MCMBP: variants seen among roughly 807,000 people sequenced by gnomAD.
MCMBP encodes the protein mini-chromosome maintenance complex-binding protein.
Under a neutral mutation model 81.3 loss-of-function variants are expected in MCMBP, and 31 were observed. That is an observed-to-expected ratio of 0.38 (90% CI 0.29 to 0.51). MCMBP has a LOEUF of 0.51. MCMBP is among the 20% of genes least tolerant of loss of function. MCMBP has a pLI of 0.87. For missense variants in MCMBP, 645 were observed against 772.1 expected (o/e 0.84, Z 1.95); for synonymous variants, 267 against 275.9 (o/e 0.97, Z 0.32).
intron 1 of MCMBP, among the ~76,000 whole-genome samples, chr10:119,872,213 C>A (rs1853704900): frequency 6.6e-6 from 1 of 151,014 alleles, no homozygotes; most frequent in Admixed American, 6.6e-5. Flanking sequence ...GGGGCCCTGG[C>A]CCTGCCACAG....
At chr10:119,847,971 C>T (rs978215390) in intron 7 of MCMBP, among the ~76,000 whole-genome samples, 4 of 151,682 alleles carry the variant, frequency 2.6e-5, no homozygotes, top group Admixed American at 2.6e-4. Context: ...AAAAAAAAGG[C>T]TTTTCCTAAA....
chr10:119,838,216 TTATATAA>T (rs1263711037), intron 12 of MCMBP, among the ~76,000 whole-genome samples: 2 of 148,466 alleles, frequency 1.3e-5, no homozygotes, highest in African/African-American at 4.9e-5. Context: ...TATTGCTCCA[TTATATAA>T]TATATAAAAT....
chr10:119,840,659 G>C lies in MCMBP; in HGVS notation c.1242+184C>G, dbSNP rs75622183. On this transcript the variant is annotated intron_variant, in intron 11 of 15. Transcript: ENST00000369077. ...ACAGAAATTTGTGCTTAGGCAAAAA[G>C]ACAAAAAAAAGTGAAATGTTTAGGG... is the stretch of plus-strand genomic sequence containing the variant. Among the ~76,000 whole-genome samples, 209 of 152,024 alleles carry C rather than the reference G, an allele frequency of 1.4e-3. 1 individual carries two copies. Among genetic ancestry groups the C allele is most frequent in the African/African-American group, 4.7e-3 (195 of 41,494 alleles).
chr10:119,841,390 A>C (rs1852427027), intron 10 of MCMBP, among the ~76,000 whole-genome samples: 1 of 152,254 alleles, frequency 6.6e-6, no homozygotes, highest in Non-Finnish European at 1.5e-5. Context: ...AGAAAAGATA[A>C]GATTTACAGC....
Position 119,872,734 on chromosome 10 carries a change from G to A in MCMBP, c.-150C>T. ...CCTCCCACGCACAGCGAGCCGCGGG[G>A]CGCGGGCCTCCCGCGCCTCAGGGAG... On this transcript the variant is annotated 5_prime_UTR_variant, in exon 1 of 16. Coordinates refer to ENST00000369077, the MANE Select transcript of MCMBP (RefSeq NM_001256378.2). The A allele has an allele frequency of 4.3e-6, 1 of 230,326 alleles. No homozygotes were observed. The highest frequency in any genetic ancestry group is 7.7e-6 in the Non-Finnish European group (1 of 129,428). The allele number at this position is 230,326 out of a possible 1,614,324, so 14.3% of individuals were successfully genotyped here. A position where few individuals can be genotyped will look rare whatever the true frequency, so the allele number is the denominator to read the frequency against.
At chr10:119,870,374 G>A (rs1452113111) in intron 1 of MCMBP, among the ~76,000 whole-genome samples, 1 of 152,070 alleles carries the variant, frequency 6.6e-6, no homozygotes, top group South Asian at 2.1e-4. Context: ...TTCAACCCAG[G>A]AGGCGGAGGT....
At chr10:119,835,126 A>G (rs987870501) in intron 14 of MCMBP, among the ~76,000 whole-genome samples, 4 of 152,244 alleles carry the variant, frequency 2.6e-5, no homozygotes, top group Non-Finnish European at 5.9e-5. Context: ...CAATGTACTG[A>G]GAGGTAATTG....
chr10:119,837,710 G>A (rs1400479406), intron 12 of MCMBP, among the ~76,000 whole-genome samples: 1 of 152,130 alleles, frequency 6.6e-6, no homozygotes, highest in Non-Finnish European at 1.5e-5. Flanking sequence ...TGTGAACCCG[G>A]GAGTTGGAGG....
intron 14 of MCMBP, among the ~76,000 whole-genome samples, chr10:119,832,999 A>G (rs12240303): frequency 0.043 from 6,570 of 152,240 alleles, 480 homozygotes; most frequent in African/African-American, 0.15. Context: ...CATGACCTGG[A>G]GGCTCTGTGC....
intron 5 of MCMBP, among the ~76,000 whole-genome samples, chr10:119,853,586 G>C (rs925852656): frequency 1.3e-5 from 2 of 152,330 alleles, no homozygotes; most frequent in South Asian, 4.1e-4. Context: ...GGAGAAGACA[G>C]AGCACATGGT....
Position 119,872,563 on chromosome 10 carries a change from G to A in MCMBP, c.22C>T (p.Leu8Phe). The change falls in exon 1 of 16, where the codon CTC (leucine) becomes TTC (phenylalanine). Residue 8 changes from leucine (L) to phenylalanine (F), a missense_variant. Physicochemically the swap from Leu to Phe is conservative, Grantham distance 22 (BLOSUM62 0). Coordinates refer to ENST00000369077, the MANE Select transcript of MCMBP (RefSeq NM_001256378.2). The part of the protein sequence containing the change: MPCGEDW[L>F]SHPLGIVQGF... ...TGCACGATTCCCAGCGGGTGGCTGA[G>A]CCAATCCTCCCCACACGGCATCTCG... 1.7e-6 allele frequency: 2 copies of A among 1,186,698 alleles called. No individual in the cohort carries two copies. Among genetic ancestry groups the A allele is most frequent in the Non-Finnish European group, 1.1e-6 (1 of 951,440 alleles). The allele number at this position is 1,186,698 out of a possible 1,614,324, so 73.5% of individuals were successfully genotyped here.
chr10:119,859,216 ATCCTG>A, intron 2 of MCMBP, 35 bp from the exon 3 acceptor site: 1 of 1,601,050 alleles, frequency 6.2e-7, no homozygotes, highest in South Asian at 1.1e-5. Flanking sequence ...TCAACTAAAT[ATCCTG>A]TCTATACAAC....
At chr10:119,856,618 A>G (rs1469852158) in intron 5 of MCMBP, among the ~76,000 whole-genome samples, 2 of 152,186 alleles carry the variant, frequency 1.3e-5, no homozygotes, top group Admixed American at 1.3e-4. Context: ...ATATAGGTGT[A>G]TGTGTTTATC....
In MCMBP at chr10:119,840,902, G is replaced by A. The variant is rs1554901479; in HGVS notation, c.1183C>T (p.Pro395Ser). 6.2e-7 allele frequency: 1 copy of A among 1,610,998 alleles called. No individual in the cohort carries two copies. The highest frequency in any genetic ancestry group is 2.2e-5 in the East Asian group (1 of 44,768). The change falls in exon 11 of 16, where the codon CCA becomes TCA. Residue 395 changes from proline to serine, a missense_variant. By Grantham distance (74) the Pro-to-Ser change is moderately conservative (BLOSUM62 -1). Transcript: ENST00000369077. ...GKFTVNLSGC[P>S]RNSTFTEHLY... ...TGTTCTGTGAAGGTACTATTCCGTG[G>A]GCAACCACTCAAGTTAACTGTAAAT...
At chr10:119,871,530 A>G (rs1466969551) in intron 1 of MCMBP, among the ~76,000 whole-genome samples, 1 of 152,214 alleles carries the variant, frequency 6.6e-6, no homozygotes, top group Non-Finnish European at 1.5e-5. Context: ...CTGAGTAAGC[A>G]CTAGAGGCCC....
intron 1 of MCMBP, among the ~76,000 whole-genome samples, chr10:119,870,465 T>A (rs1853634133): frequency 6.6e-6 from 1 of 152,026 alleles, no homozygotes; most frequent in African/African-American, 2.4e-5. Flanking sequence ...AATGCATATT[T>A]CAAAATAAAA....
intron 6 of MCMBP, among the ~76,000 whole-genome samples, chr10:119,850,218 G>A (rs1469063909): frequency 6.6e-6 from 1 of 152,176 alleles, no homozygotes; most frequent in African/African-American, 2.4e-5. Context: ...AGGGAATTGT[G>A]CTGAAGAAAA....
chr10:119,845,990 G>C (rs1350993789), intron 8 of MCMBP, among the ~76,000 whole-genome samples: 1 of 152,206 alleles, frequency 6.6e-6, no homozygotes, highest in Admixed American at 6.5e-5. Context: ...ATGCATGTGA[G>C]TGTGTATGTG....
Position 119,872,600 on chromosome 10 carries a change from G to C in MCMBP, c.-16C>G. On this transcript the variant is annotated 5_prime_UTR_variant, in exon 1 of 16. Transcript: ENST00000369077. ...CACACGGCATCTCGCCAGGGGCCGG[G>C]GCCGGCGAAGACCGGGCGGAGGCGA... is the stretch of plus-strand genomic sequence containing the variant. The C allele has an allele frequency of 8.6e-7, 1 of 1,168,528 alleles. No homozygotes were observed. The highest frequency in any genetic ancestry group is 3.6e-4 in the Middle Eastern group (1 of 2,806). 72.4% of individuals were successfully genotyped at this position (1,168,528 alleles called of 1,614,324 possible).
Sources: gnomAD v4.1 joint callset for allele counts (sites outside exome capture counted in the v4.1 genomes callset) on GRCh38, gnomAD v4.1.1 for gene constraint, MANE v1.5 for transcripts, NCBI Gene and HGNC (gene_info 2026-07-23, HGNC 2026-07-21) for gene names.